Variants in PTPRM observed in about 807,000 individuals in gnomAD.
PTPRM encodes the protein receptor-type tyrosine-protein phosphatase mu.
PTPRM carries 47 observed loss-of-function variants against 186.7 expected under a neutral mutation model. That is an observed-to-expected ratio of 0.25 (90% CI 0.20 to 0.32). The LOEUF (loss-of-function observed/expected upper bound fraction) is 0.32, where lower values mean the gene tolerates loss of function less well. Ranked by LOEUF, PTPRM falls within the 10% of genes least tolerant of loss-of-function variation. The probability of loss-of-function intolerance (pLI) is 1.00; values close to 1 mark genes in which losing one functional copy is unlikely to be tolerated. For synonymous variants in PTPRM, 668 were observed against 674.9 expected, an observed-to-expected ratio of 0.99 and a Z score of 0.16; for missense variants, 1,494 against 1,865.0, an observed-to-expected ratio of 0.80 and a Z score of 3.66.
intron 1 of PTPRM, among the ~76,000 whole-genome samples, chr18:7,733,049 G>A (rs1030785994): frequency 2.2e-4 from 33 of 151,792 alleles, no homozygotes; most frequent in African/African-American, 8.0e-4. Context: ...ACATTGAAGG[G>A]TGAGGAGGGT....
At chr18:8,134,846 A>G (rs1406669001) in intron 13 of PTPRM, among the ~76,000 whole-genome samples, 1 of 152,106 alleles carries the variant, frequency 6.6e-6, no homozygotes, top group South Asian at 2.1e-4. Flanking sequence ...TCTGTATTAT[A>G]TTGGGGAATG....
At chr18:7,895,642 G>A (rs1253038874) in intron 3 of PTPRM, among the ~76,000 whole-genome samples, 1 of 152,178 alleles carries the variant, frequency 6.6e-6, no homozygotes, top group Non-Finnish European at 1.5e-5. Context: ...TATTTCCCAT[G>A]ACCTTCTGTG....
chr18:7,717,689 G>T (rs756889960), intron 1 of PTPRM, among the ~76,000 whole-genome samples: 1 of 152,238 alleles, frequency 6.6e-6, no homozygotes, highest in African/African-American at 2.4e-5. Context: ...GAGCACTGAA[G>T]CCTCTGGGGC....
intron 7 of PTPRM, among the ~76,000 whole-genome samples, chr18:8,010,513 G>C (rs1419124755): frequency 2.0e-5 from 3 of 152,194 alleles, no homozygotes; most frequent in Non-Finnish European, 4.4e-5. Flanking sequence ...GAAAGACCCA[G>C]TTCAAGAAAG....
chr18:8,121,725 A>C (rs2092180510), intron 13 of PTPRM: 1 of 152,188 alleles, frequency 6.6e-6, no homozygotes, highest in Non-Finnish European at 1.5e-5. Flanking sequence ...CTACATAAAA[A>C]CGTTTTTAGT....
chr18:8,372,196 C>CGCT (rs2095667345), intron 24 of PTPRM, among the ~76,000 whole-genome samples: 1 of 147,096 alleles, frequency 6.8e-6, no homozygotes, highest in Non-Finnish European at 1.5e-5. Context: ...CTCAGCCTCC[C>CGCT]GAGTAGCTGG....
At chr18:8,097,671 G>A (rs1249254788) in intron 11 of PTPRM, among the ~76,000 whole-genome samples, 1 of 152,308 alleles carries the variant, frequency 6.6e-6, no homozygotes, top group Admixed American at 6.5e-5. Flanking sequence ...CTCAACAGGA[G>A]AATCAGGAGT....
chr18:8,265,411 C>T (rs1210549059), intron 19 of PTPRM, among the ~76,000 whole-genome samples: 1 of 152,194 alleles, frequency 6.6e-6, no homozygotes, highest in Non-Finnish European at 1.5e-5. Context: ...GTGCTGCTCT[C>T]CTGGGTTATT....
intron 1 of PTPRM, among the ~76,000 whole-genome samples, chr18:7,571,934 A>G (rs866023760): frequency 2.6e-5 from 4 of 152,198 alleles, no homozygotes; most frequent in Non-Finnish European, 5.9e-5. Flanking sequence ...GAGTGGTAAT[A>G]TGTTTGTTTA....
chr18:7,708,319 A>G (rs1355653023), intron 1 of PTPRM, among the ~76,000 whole-genome samples: 1 of 152,236 alleles, frequency 6.6e-6, no homozygotes, highest in Non-Finnish European at 1.5e-5. Flanking sequence ...CCTAGCAAAA[A>G]TGAATCAGCT....
chr18:7,816,710 C>A (rs2044846177), intron 2 of PTPRM, among the ~76,000 whole-genome samples: 1 of 152,064 alleles, frequency 6.6e-6, no homozygotes, highest in African/African-American at 2.4e-5. Context: ...TTATAGCTCA[C>A]CCTTTCATGT....
At chr18:7,895,466 C>T (rs548437121) in intron 3 of PTPRM, among the ~76,000 whole-genome samples, 13 of 152,182 alleles carry the variant, frequency 8.5e-5, no homozygotes, top group Non-Finnish European at 1.6e-4. Context: ...GAACCAAGTT[C>T]CCTTCTGTCA....
At chr18:7,855,410 C>T (rs1226314215) in intron 2 of PTPRM, among the ~76,000 whole-genome samples, 1 of 152,220 alleles carries the variant, frequency 6.6e-6, no homozygotes, top group Non-Finnish European at 1.5e-5. Flanking sequence ...GATTGTTCCC[C>T]ACCACAAAGC....
At chr18:7,784,923 G>A (rs763272033) in intron 2 of PTPRM, among the ~76,000 whole-genome samples, 7 of 152,272 alleles carry the variant, frequency 4.6e-5, no homozygotes, top group Non-Finnish European at 7.3e-5. Context: ...GGAGGCCATG[G>A]GGTGAGGGCA....
chr18:8,105,256 C>A (rs1430565185), intron 11 of PTPRM, among the ~76,000 whole-genome samples: 1 of 152,168 alleles, frequency 6.6e-6, no homozygotes, highest in East Asian at 1.9e-4. Flanking sequence ...CCCTTACTAT[C>A]ACCACCACCA....
chr18:7,831,057 G>C (rs1041559618), intron 2 of PTPRM, among the ~76,000 whole-genome samples: 12 of 152,156 alleles, frequency 7.9e-5, no homozygotes, highest in Non-Finnish European at 1.5e-4. Flanking sequence ...TGTTCAGGCA[G>C]AGTTATGGTA....
chr18:8,340,245 T>G (rs2095466835), intron 22 of PTPRM, among the ~76,000 whole-genome samples: 1 of 152,142 alleles, frequency 6.6e-6, no homozygotes, highest in South Asian at 2.1e-4. Context: ...TGCCTGTACT[T>G]TTTTTTTCTT....
intron 19 of PTPRM, chr18:8,270,233 T>C (rs534268650): frequency 9.0e-6 from 1 of 111,530 alleles, no homozygotes; most frequent in South Asian, 3.0e-4. Flanking sequence ...TACAACTCAA[T>C]AGCAAAAAAA....
chr18:8,109,526 A>G (rs2091668066), intron 11 of PTPRM, among the ~76,000 whole-genome samples: 1 of 152,210 alleles, frequency 6.6e-6, no homozygotes, highest in Non-Finnish European at 1.5e-5. Flanking sequence ...AATAGAACCC[A>G]TGCCAACTGG....
Sources: gnomAD v4.1 joint callset for allele counts (sites outside exome capture counted in the v4.1 genomes callset) on GRCh38, gnomAD v4.1.1 for gene constraint, MANE v1.5 for transcripts, NCBI Gene and HGNC (gene_info 2026-07-23, HGNC 2026-07-21) for gene names.